The following MED13L variants were observed in gnomAD, a reference collection of about 807,000 sequenced individuals.
MED13L encodes mediator of RNA polymerase II transcription subunit 13-like.
MED13L carries 7 observed loss-of-function variants against 220.9 expected under a neutral mutation model. That is an observed-to-expected ratio of 0.03 (90% CI 0.02 to 0.06). MED13L has a LOEUF of 0.06. Among genes scored for constraint, MED13L ranks in the 10% least tolerant of loss-of-function variants. The pLI is 1.00. For synonymous variants in MED13L, 1,011 were observed against 1,015.2 expected, an observed-to-expected ratio of 1.00 and a Z score of 0.08; for missense variants, 1,965 against 2,760.5, an observed-to-expected ratio of 0.71 and a Z score of 6.46.
chr12:116,240,923 G>T (rs915409573), intron 1 of MED13L, among the ~76,000 whole-genome samples: 6 of 152,132 alleles, frequency 3.9e-5, no homozygotes. Context: ...AAAAAGGTAA[G>T]CAGAAGACTA....
chr12:116,094,171 T>C (rs547368556), intron 4 of MED13L, among the ~76,000 whole-genome samples: 10 of 152,330 alleles, frequency 6.6e-5, no homozygotes, highest in African/African-American at 2.4e-4. Context: ...GAGGCTCTAT[T>C]TTCCACTCAG....
At chr12:116,256,682 C>CCTT (rs758485781) in intron 1 of MED13L, among the ~76,000 whole-genome samples, 2 of 96,236 alleles carry the variant, frequency 2.1e-5, no homozygotes, top group African/African-American at 8.2e-5. Flanking sequence ...AAACAAACTA[C>CCTT]TTTTTTTTTT....
chr12:116,007,206 G>C, intron 11 of MED13L: 1 of 610,546 alleles, frequency 1.6e-6, no homozygotes. Context: ...ATTTATGTTC[G>C]GCTGACTTTT....
At chr12:116,159,419 T>C (rs1412744316) in intron 2 of MED13L, among the ~76,000 whole-genome samples, 3 of 152,162 alleles carry the variant, frequency 2.0e-5, no homozygotes, top group African/African-American at 2.4e-5. Context: ...CTATTTTTTA[T>C]CTACTAAAGT....
intron 4 of MED13L, among the ~76,000 whole-genome samples, chr12:116,061,000 G>A (rs893799765): frequency 2.6e-5 from 4 of 152,116 alleles, no homozygotes; most frequent in Non-Finnish European, 5.9e-5. Flanking sequence ...TCTATCTCCT[G>A]CCTTCTTCTC....
rs12423670 is a variant in MED13L at position 116,023,777 on chromosome 12, T to A, written c.480-1176A>T. 2.4e-3 allele frequency among the ~76,000 whole-genome samples: 361 copies of A among 152,306 alleles called. 3 individuals carry two copies. Among genetic ancestry groups the A allele is most frequent in the Non-Finnish European group, 4.2e-3 (285 of 68,002 alleles). On this transcript the variant is annotated intron_variant, in intron 4 of 30. Coordinates refer to ENST00000281928, the MANE Select transcript of MED13L (RefSeq NM_015335.5). ...GACAGAGTAAATTCAAGATAGTGAC[T>A]ACAATTTTAAAAGAATTTTGAAAAA...
At chr12:116,151,275 A>G (rs1878017590) in intron 2 of MED13L, among the ~76,000 whole-genome samples, 1 of 152,210 alleles carries the variant, frequency 6.6e-6, no homozygotes, top group African/African-American at 2.4e-5. Context: ...ATTTTCATAT[A>G]TAATTGGTTG....
chr12:116,040,058 G>A (rs926890836), intron 4 of MED13L, among the ~76,000 whole-genome samples: 1 of 152,112 alleles, frequency 6.6e-6, no homozygotes, highest in Non-Finnish European at 1.5e-5. Context: ...ATGCCACAAC[G>A]TTTTCTGTAA....
chr12:115,986,800 T>A (rs560799756), intron 18 of MED13L, among the ~76,000 whole-genome samples: 102 of 152,250 alleles, frequency 6.7e-4, no homozygotes, highest in Non-Finnish European at 1.2e-3. Flanking sequence ...CTGACTATGA[T>A]GAAGTAGACA....
chr12:116,264,946 A>G (rs1273709182), intron 1 of MED13L, among the ~76,000 whole-genome samples: 1 of 152,210 alleles, frequency 6.6e-6, no homozygotes. Flanking sequence ...TGGGTAACAC[A>G]GCAAGACCCC....
intron 1 of MED13L, among the ~76,000 whole-genome samples, chr12:116,260,822 A>T (rs1445131543): frequency 5.3e-5 from 8 of 152,166 alleles, no homozygotes; most frequent in African/African-American, 1.7e-4. Context: ...AATATAAACA[A>T]AACCTTCATG....
At chr12:116,180,154 A>G (rs960626905) in intron 2 of MED13L, among the ~76,000 whole-genome samples, 3 of 152,332 alleles carry the variant, frequency 2.0e-5, no homozygotes, top group African/African-American at 7.2e-5. Flanking sequence ...CTGGCATCCA[A>G]TGGCAGGGGC....
Position 115,975,742 on chromosome 12 carries a change from A to C in MED13L, c.5365-4T>G, listed in dbSNP as rs1028797801. ...AAAGCTGGATTGGGCTGGGCCGCTG[A>C]AATCAAAACCAAAATCAATATCAGT... On this transcript the variant is annotated splice_polypyrimidine_tract_variant and splice_region_variant and intron_variant, in intron 23 of 30. Transcript: ENST00000281928. The C allele has an allele frequency of 1.9e-6, 3 of 1,612,420 alleles. No homozygotes were observed. Among genetic ancestry groups the C allele is most frequent in the Non-Finnish European group, 2.5e-6 (3 of 1,178,902 alleles).
intron 4 of MED13L, among the ~76,000 whole-genome samples, chr12:116,026,050 GA>G (rs1236057868): frequency 6.6e-6 from 1 of 151,790 alleles, no homozygotes; most frequent in Non-Finnish European, 1.5e-5. Context: ...ATAGTAAAAA[GA>G]AAAAGTAAGA....
At chr12:116,210,396 C>G (rs1355917725) in intron 2 of MED13L, among the ~76,000 whole-genome samples, 2 of 151,844 alleles carry the variant, frequency 1.3e-5, no homozygotes, top group Admixed American at 6.6e-5. Context: ...AATATTGTTA[C>G]TTCTCTCAAA....
intron 4 of MED13L, among the ~76,000 whole-genome samples, chr12:116,062,286 G>A (rs1367083075): frequency 4.6e-5 from 7 of 151,540 alleles, no homozygotes; most frequent in African/African-American, 4.8e-5. Flanking sequence ...CAGAGTAGCT[G>A]GGACCATAGG....
chr12:115,992,567 T>C (rs370029837), intron 16 of MED13L, among the ~76,000 whole-genome samples: 2 of 152,294 alleles, frequency 1.3e-5, no homozygotes, highest in Admixed American at 6.5e-5. Context: ...TGAGTGACCA[T>C]GAGGGAATTA....
chr12:116,277,021 T>TGC, intron 1 of MED13L, 39 bp downstream of exon 1: 1 of 1,118,918 alleles, frequency 8.9e-7, no homozygotes, highest in Non-Finnish European at 1.3e-6. Flanking sequence ...CCCCCCCCCT[T>TGC]CCCCGGCACA....
At chr12:115,982,343 T>C (rs759463968) in intron 22 of MED13L, 41 bp downstream of exon 22, 23 of 1,563,290 alleles carry the variant, frequency 1.5e-5, no homozygotes, top group Middle Eastern at 1.7e-4. Context: ...ACAACAAAAA[T>C]AACAACATCA....
Sources: gnomAD v4.1 joint callset for allele counts (sites outside exome capture counted in the v4.1 genomes callset) on GRCh38, gnomAD v4.1.1 for gene constraint, MANE v1.5 for transcripts, NCBI Gene and HGNC (gene_info 2026-07-23, HGNC 2026-07-21) for gene names.